TSSC4: variants seen among roughly 807,000 people sequenced by gnomAD.
TSSC4 encodes tumor suppressing subtransferable candidate 4.
For missense variants in TSSC4, 500 were observed against 443.9 expected (o/e 1.13, Z -1.14); for synonymous variants, 259 against 197.9 (o/e 1.31, Z -2.59).
intron 1 of TSSC4, chr11:2,401,502 A>C (rs770947639): frequency 1.3e-5 from 2 of 152,174 alleles, no homozygotes; most frequent in Non-Finnish European, 2.9e-5. Context: ...CCTGTGTTCG[A>C]CCTGGTGGGG....
chr11:2,402,402 G>A lies in TSSC4; in HGVS notation c.-72G>A, dbSNP rs1437480033. ...CTCCGTCCACTTGGCCCGCTTGGCT[G>A]TCCAATCACACTCCAGTGTCAACCA... On this transcript the variant is annotated 5_prime_UTR_variant, in exon 2 of 3. Transcript: ENST00000333256. The A allele has an allele frequency of 1.6e-5, 9 of 550,588 alleles. No individual in the cohort carries two copies. Among genetic ancestry groups the A allele is most frequent in the South Asian group, 1.2e-4 (5 of 42,426 alleles). 34.1% of individuals were successfully genotyped at this position (550,588 alleles called of 1,614,324 possible).
chr11:2,402,478 G>A (rs112619681), intron 2 of TSSC4, 28 bp downstream of exon 2: 37 of 784,822 alleles, frequency 4.7e-5, no homozygotes, highest in African/African-American at 4.2e-4. Context: ...AGGGGGAGGC[G>A]GGACTCCACC....
At position 2,402,710 on chromosome 11, in the gene TSSC4, C is replaced by G; in HGVS notation, c.77C>G (p.Ser26Cys). ...GGGACGGAGTATGACACGCTGCCTT[C>G]CGACACAGTCTCCCTCAGTGACTCG... is the stretch of plus-strand genomic sequence containing the variant. The part of the protein sequence containing the change: ...EHGTEYDTLP[S>C]DTVSLSDSDS... The change falls in exon 3 of 3, where the codon TCC becomes TGC. Residue 26 changes from serine to cysteine, a missense_variant. Physicochemically the swap from Ser to Cys is moderately radical, Grantham distance 112. Coordinates refer to ENST00000333256, the MANE Select transcript of TSSC4 (RefSeq NM_005706.4). The G allele has an allele frequency of 6.3e-7, 1 of 1,578,072 alleles. No homozygotes were observed. The highest frequency in any genetic ancestry group is 2.3e-5 in the East Asian group (1 of 43,374).
chr11:2,402,319 C>CG lies in TSSC4; in HGVS notation c.-151dup. The CG allele has an allele frequency of 2.7e-6, 1 of 370,342 alleles. No homozygotes were observed. Among genetic ancestry groups the CG allele is most frequent in the Non-Finnish European group, 5.0e-6 (1 of 199,916 alleles). 22.9% of individuals were successfully genotyped at this position (370,342 alleles called of 1,614,324 possible). A position where few individuals can be genotyped will look rare whatever the true frequency, so the allele number is the denominator to read the frequency against. Reference sequence around the variant, plus strand: ...TTGAGCAGCTGAACAGAGGCCATGCCGGGGCACTCCGAGGCCTGAGACGAC... The same window carrying CG: ...TTGAGCAGCTGAACAGAGGCCATGCCGGGGGCACTCCGAGGCCTGAGACGAC... On this transcript the variant is annotated 5_prime_UTR_variant, in exon 2 of 3. The change abolishes the stop of an existing upstream ORF in the 5' untranslated region. Transcript: ENST00000333256.
At chr11:2,401,412 TGGGGG>T (rs1019066411) in intron 1 of TSSC4, 1 of 152,320 alleles carries the variant, frequency 6.6e-6, no homozygotes, top group Non-Finnish European at 1.5e-5. Flanking sequence ...CGGTCATCAG[TGGGGG>T]GTGCTGCGTA....
rs142312702 is a variant in TSSC4 at position 2,403,591 on chromosome 11, A to T, written c.958A>T (p.Ser320Cys). The T allele has an allele frequency of 3.2e-4, 498 of 1,541,286 alleles. 2 individuals carry two copies. In the African/African-American group the frequency reaches 6.1e-3, roughly 19 times the overall value. The part of the protein sequence containing the change: ...RSRDHFRNKS[S>C]SPEDPGAEV ...TCGAGACCACTTCCGGAACAAGAGC[A>T]GCAGCCCCGAGGACCCAGGTGCTGA... is the stretch of plus-strand genomic sequence containing the variant. Residue 320 changes from serine to cysteine, a missense_variant, in exon 3 of 3, where the codon AGC (serine) becomes TGC (cysteine). Coordinates refer to ENST00000333256, the MANE Select transcript of TSSC4 (RefSeq NM_005706.4).
In TSSC4 at chr11:2,403,549, G is replaced by A. The variant is rs764005263; in HGVS notation, c.916G>A (p.Gly306Ser). The part of the protein sequence containing the change: ...LPPVETVGFH[G>S]SRKRSRDHFR... ...GCCGGTGGAAACTGTTGGCTTCCAT[G>A]GCAGCAGGAAGCGGAGTCGAGACCA... The change falls in exon 3 of 3, where the codon GGC becomes AGC. Residue 306 changes from glycine (G) to serine (S), a missense_variant. Physicochemically the swap from Gly to Ser is moderately conservative, Grantham distance 56. Coordinates refer to ENST00000333256, the MANE Select transcript of TSSC4 (RefSeq NM_005706.4). 2.1e-5 allele frequency: 34 copies of A among 1,585,930 alleles called. No homozygotes were observed. The highest frequency in any genetic ancestry group is 2.7e-5 in the Non-Finnish European group (32 of 1,167,402).
chr11:2,402,429 TG>T lies in TSSC4; in HGVS notation c.-43del. 1 of 603,820 alleles carries T rather than the reference TG, an allele frequency of 1.7e-6. No individual in the cohort carries two copies. Among genetic ancestry groups the T allele is most frequent in the South Asian group, 2.1e-5 (1 of 47,886 alleles). 37.4% of individuals were successfully genotyped at this position (603,820 alleles called of 1,614,324 possible). On this transcript the variant is annotated 5_prime_UTR_variant, in exon 2 of 3. Coordinates refer to ENST00000333256, the MANE Select transcript of TSSC4 (RefSeq NM_005706.4). ...CCAATCACACTCCAGTGTCAACCAC[TG>T]GCACCCAGCAGCCAAGAGAGGTGAG... is the stretch of plus-strand genomic sequence containing the variant.
In TSSC4 at chr11:2,403,104, A is replaced by G. The variant is rs1410055552; in HGVS notation, c.471A>G (p.Ala157=). The change falls in exon 3 of 3, where the codon GCA becomes GCG. Residue 157 remains alanine, a synonymous_variant. Transcript: ENST00000333256. The part of the protein sequence containing the change: ...PRVPPVPDYV[A]HPERWTKYSL... ...TGCCTCCGGTCCCCGACTACGTGGC[A>G]CACCCCGAGCGCTGGACCAAGTACA... 6.2e-7 allele frequency: 1 copy of G among 1,612,362 alleles called. No homozygotes were observed. The highest frequency in any genetic ancestry group is 1.3e-5 in the African/African-American group (1 of 74,914).
At chr11:2,401,659 G>A (rs1850150036) in intron 1 of TSSC4, among the ~76,000 whole-genome samples, 1 of 152,182 alleles carries the variant, frequency 6.6e-6, no homozygotes, top group Admixed American at 6.5e-5. Flanking sequence ...GTGTGGCTGG[G>A]CCGTCTTTTT....
chr11:2,403,481 C>A lies in TSSC4; in HGVS notation c.848C>A (p.Ala283Glu). ...CATGGAGGCCTGCAGGAGGTGGAGG[C>A]ACTGTCAGGGTCTGTCCACAGTGGG... ...SHHGGLQEVE[A>E]LSGSVHSGSV... The change falls in exon 3 of 3, where the codon GCA becomes GAA. Residue 283 changes from alanine (A) to glutamate (E), a missense_variant. Transcript: ENST00000333256. 1.2e-6 allele frequency: 2 copies of A among 1,600,216 alleles called. No homozygotes were observed. The highest frequency in any genetic ancestry group is 1.7e-6 in the Non-Finnish European group (2 of 1,172,792).
At chr11:2,402,227 G>T (rs188025823) in intron 1 of TSSC4, 67 bp from the exon 2 acceptor site, 1 of 183,448 alleles carries the variant, frequency 5.5e-6, no homozygotes, top group African/African-American at 2.4e-5. Flanking sequence ...GTCCTGCCCG[G>T]CACCTGTTTC....
At chr11:2,401,107 G>C (rs1015245967) in intron 1 of TSSC4, 24 of 152,216 alleles carry the variant, frequency 1.6e-4, no homozygotes, top group African/African-American at 5.5e-4. Context: ...AGAAAGAGAC[G>C]GCTTCCTTCA....
Position 2,403,754 on chromosome 11 carries a change from C to T in TSSC4, c.*131C>T. 1 of 983,548 alleles carries T rather than the reference C, an allele frequency of 1.0e-6. No individual in the cohort carries two copies. The highest frequency in any genetic ancestry group is 1.4e-6 in the Non-Finnish European group (1 of 704,378). 60.9% of individuals were successfully genotyped at this position (983,548 alleles called of 1,614,324 possible). A position where few individuals can be genotyped will look rare whatever the true frequency, so the allele number is the denominator to read the frequency against. ...AAGCCTGCAGGTGGCACCGGTGGCC[C>T]TGGCTGCAGTTCTGGGCAGCATCCT... is the stretch of plus-strand genomic sequence containing the variant. On this transcript the variant is annotated 3_prime_UTR_variant, in exon 3 of 3. Coordinates refer to ENST00000333256, the MANE Select transcript of TSSC4 (RefSeq NM_005706.4).
intron 1 of TSSC4, chr11:2,402,028 C>T (rs1850160407): frequency 6.6e-6 from 1 of 152,518 alleles, no homozygotes; most frequent in African/African-American, 2.4e-5. Context: ...CAGCAAGCAG[C>T]TTATAAGTGG....
chr11:2,402,883 G>C lies in TSSC4; in HGVS notation c.250G>C (p.Gly84Arg), dbSNP rs755726832. The C allele has an allele frequency of 6.2e-7, 1 of 1,612,154 alleles. No individual in the cohort carries two copies. The highest frequency in any genetic ancestry group is 1.1e-5 in the South Asian group (1 of 90,856). ...CACGGTGCAGCCATTCCATCTGAGA[G>C]GCATGAGCTCCACCTTCTCCCAGCG... is the stretch of plus-strand genomic sequence containing the variant. ...PATVQPFHLR[G>R]MSSTFSQRSR... Residue 84 changes from glycine to arginine, a missense_variant, in exon 3 of 3, where the codon GGC becomes CGC. Transcript: ENST00000333256.
In TSSC4 at chr11:2,402,702, G is replaced by C. The variant is rs141568055; in HGVS notation, c.69G>C (p.Thr23=). The part of the protein sequence containing the change: ...VEGEHGTEYD[T]LPSDTVSLSD... ...GCGAACACGGGACGGAGTATGACACGCTGCCTTCCGACACAGTCTCCCTCA... is the reference window on the plus strand; with the variant it reads ...GCGAACACGGGACGGAGTATGACACCCTGCCTTCCGACACAGTCTCCCTCA... The change falls in exon 3 of 3, where the codon ACG becomes ACC. Residue 23 remains threonine, a synonymous_variant. Coordinates refer to ENST00000333256, the MANE Select transcript of TSSC4 (RefSeq NM_005706.4). 2 of 1,580,434 alleles carry C rather than the reference G, an allele frequency of 1.3e-6. No homozygotes were observed. The highest frequency in any genetic ancestry group is 8.6e-7 in the Non-Finnish European group (1 of 1,163,124).
In TSSC4 at chr11:2,402,912, C is replaced by T. The variant is rs1466292283; in HGVS notation, c.279C>T (p.Ser93=). The T allele has an allele frequency of 6.2e-7, 1 of 1,612,270 alleles. No homozygotes were observed. The highest frequency in any genetic ancestry group is 8.5e-7 in the Non-Finnish European group (1 of 1,179,784). Residue 93 remains serine, a synonymous_variant, in exon 3 of 3, where the codon AGC becomes AGT. Transcript: ENST00000333256. ...RGMSSTFSQR[S]RDIFDCLEGA... ...TGAGCTCCACCTTCTCCCAGCGCAG[C>T]CGTGACATCTTTGACTGCCTGGAGG...
In TSSC4 at chr11:2,402,341, C is replaced by T. The variant is rs931724557; in HGVS notation, c.-133C>T. On this transcript the variant is annotated 5_prime_UTR_variant, in exon 2 of 3. It adds an upstream start codon to the 5' untranslated region. Coordinates refer to ENST00000333256, the MANE Select transcript of TSSC4 (RefSeq NM_005706.4). Reference sequence around the variant, plus strand: ...TGCCGGGGCACTCCGAGGCCTGAGACGACCACGCCTGTGCCGCTGAGGACC... The same window carrying T: ...TGCCGGGGCACTCCGAGGCCTGAGATGACCACGCCTGTGCCGCTGAGGACC... 6.9e-5 allele frequency: 29 copies of T among 422,446 alleles called. No individual in the cohort carries two copies. The East Asian group carries it at 9.6e-4, about 14-fold the overall frequency. The allele number at this position is 422,446 out of a possible 1,614,324, so 26.2% of individuals were successfully genotyped here.
Sources: allele counts gnomAD v4.1 joint callset (sites outside exome capture counted in the v4.1 genomes callset), GRCh38; gene constraint gnomAD v4.1.1; transcripts MANE v1.5; gene names NCBI Gene and HGNC (gene_info 2026-07-23, HGNC 2026-07-21).